Variants in HOXB3 observed in about 807,000 individuals in gnomAD.
HOXB3 encodes homeobox B3.
Under a neutral mutation model 29.2 loss-of-function variants are expected in HOXB3, and 17 were observed. That is an observed-to-expected ratio of 0.58 (90% confidence interval 0.40 to 0.87). The LOEUF is 0.87. Ranked by LOEUF, HOXB3 falls within the 40% of genes least tolerant of loss-of-function variation. The probability of loss-of-function intolerance (pLI) is 0.00; values close to 1 mark genes in which losing one functional copy is unlikely to be tolerated. For synonymous variants in HOXB3, 317 were observed against 285.9 expected (o/e 1.11, Z -1.10); for missense variants, 637 against 616.3 (o/e 1.03, Z -0.35).
At chr17:48,571,248 G>A (rs532037161) in intron 2 of HOXB3, among the ~76,000 whole-genome samples, 2 of 152,178 alleles carry the variant, frequency 1.3e-5, no homozygotes, top group African/African-American at 4.8e-5. Context: ...TCACAAATCC[G>A]TCAGCGCTCA....
intron 4 of HOXB3, among the ~76,000 whole-genome samples, chr17:48,551,590 C>A (rs1038828640): frequency 6.6e-6 from 1 of 152,224 alleles, no homozygotes; most frequent in African/African-American, 2.4e-5. Flanking sequence ...TGAGGAGAAT[C>A]CTCGGGGTAA....
chr17:48,578,727 C>A lies in HOXB3; in HGVS notation c.-424-4713G>T, dbSNP rs190467661. ...CCCTAGATCCCTTAAGAAGTTGGGG[C>A]TCCCGGTGTAGCCCTCCTGTTCTGC... On this transcript the variant is annotated intron_variant, in intron 1 of 4. Coordinates refer to ENST00000498678, the MANE Select transcript of HOXB3 (RefSeq NM_001384749.1). The A allele has an allele frequency of 2.7e-3, 593 of 219,156 alleles. 4 individuals carry two copies. The highest frequency in any genetic ancestry group is 0.014 in the African/African-American group (570 of 42,024). The allele number at this position is 219,156 out of a possible 1,614,324, so 13.6% of individuals were successfully genotyped here. A position where few individuals can be genotyped will look rare whatever the true frequency, so the allele number is the denominator to read the frequency against.
chr17:48,576,660 C>CCCA, intron 1 of HOXB3: 1 of 908,050 alleles, frequency 1.1e-6, no homozygotes, highest in Non-Finnish European at 1.5e-6. Flanking sequence ...TCCCCCCACC[C>CCCA]CATCCCCTGC....
chr17:48,564,448 G>A (rs1452337457), intron 2 of HOXB3, among the ~76,000 whole-genome samples: 2 of 150,186 alleles, frequency 1.3e-5, no homozygotes, highest in Admixed American at 6.6e-5. Flanking sequence ...CCCGCCCCCG[G>A]CTTTGTTCGG....
At chr17:48,581,785 GA>G (rs565659450) in intron 1 of HOXB3, 5 of 152,350 alleles carry the variant, frequency 3.3e-5, no homozygotes, top group African/African-American at 4.8e-5. Context: ...CAAGAGCAGA[GA>G]TTTTTCTCCT....
rs374344532 is a variant in HOXB3 at position 48,569,924 on chromosome 17, T to C, written c.-247+3913A>G. Among the ~76,000 whole-genome samples the C allele has an allele frequency of 5.0e-4, 76 of 152,198 alleles. 3 individuals carry two copies. In the East Asian group the frequency reaches 0.014, roughly 29 times the overall value. On this transcript the variant is annotated intron_variant, in intron 2 of 4. Transcript: ENST00000498678. ...TCAAATGCGACTGACCGTTTGAAAA[T>C]AGATTCTAGAGACAAAGACTGGGAC... is the stretch of plus-strand genomic sequence containing the variant.
chr17:48,586,990 C>T (rs2070059552), intron 1 of HOXB3, among the ~76,000 whole-genome samples: 1 of 152,020 alleles, frequency 6.6e-6, no homozygotes. Context: ...TGGGGTGGGG[C>T]CTGCAGGAAC....
intron 1 of HOXB3, chr17:48,578,360 TC>T: frequency 6.3e-7 from 1 of 1,587,004 alleles, no homozygotes; most frequent in Non-Finnish European, 8.6e-7. Context: ...TAAAATTTAT[TC>T]CGACCCCTGA....
chr17:48,551,773 CT>C (rs1435939288), intron 4 of HOXB3, among the ~76,000 whole-genome samples: 1 of 152,226 alleles, frequency 6.6e-6, no homozygotes, highest in Non-Finnish European at 1.5e-5. Flanking sequence ...GCTCTGTGGC[CT>C]TGGGAAGGGC....
At chr17:48,586,689 C>T (rs2070053917) in intron 1 of HOXB3, among the ~76,000 whole-genome samples, 1 of 152,162 alleles carries the variant, frequency 6.6e-6, no homozygotes, top group Non-Finnish European at 1.5e-5. Context: ...ATTTGCGCCT[C>T]CTTCCTTTTC....
chr17:48,576,597 TGG>T (rs2069770515), intron 1 of HOXB3: 1 of 767,642 alleles, frequency 1.3e-6, no homozygotes, highest in Non-Finnish European at 2.0e-6. Flanking sequence ...ATATAAAGTG[TGG>T]GGGAGGGCAG....
At chr17:48,584,908 C>A (rs1044594748) in intron 1 of HOXB3, among the ~76,000 whole-genome samples, 1 of 149,424 alleles carries the variant, frequency 6.7e-6, no homozygotes, top group African/African-American at 2.5e-5. Context: ...CACATACAGC[C>A]CCCTCCCCCA....
At chr17:48,574,062 A>C (rs1426586065) in intron 1 of HOXB3, 48 bp from the exon 2 acceptor site, 12 of 584,652 alleles carry the variant, frequency 2.1e-5, no homozygotes, top group Non-Finnish European at 3.6e-5. Flanking sequence ...AAAGAAAAGA[A>C]GTGATTAATG....
At chr17:48,580,990 G>A (rs1309875557) in intron 1 of HOXB3, 3 of 152,192 alleles carry the variant, frequency 2.0e-5, no homozygotes, top group Admixed American at 2.0e-4. Context: ...CATAGAAAAA[G>A]CCTCCACCCC....
chr17:48,566,259 G>C (rs977993359), intron 2 of HOXB3, among the ~76,000 whole-genome samples: 2 of 152,112 alleles, frequency 1.3e-5, no homozygotes, highest in African/African-American at 4.8e-5. Context: ...ATTTGGGGTA[G>C]GCCTAGATGC....
intron 2 of HOXB3, among the ~76,000 whole-genome samples, chr17:48,569,466 T>C (rs905980525): frequency 7.8e-6 from 1 of 128,888 alleles, no homozygotes. Flanking sequence ...GCTTAGTTCG[T>C]GGAGGTGCAG....
chr17:48,570,018 C>T (rs749554183), intron 2 of HOXB3, among the ~76,000 whole-genome samples: 12 of 152,152 alleles, frequency 7.9e-5, no homozygotes, highest in Non-Finnish European at 1.6e-4. Context: ...GTCTCATTTC[C>T]CCCCCTTCCC....
chr17:48,581,682 C>CA (rs2069943422), intron 1 of HOXB3: 1 of 152,236 alleles, frequency 6.6e-6, no homozygotes, highest in Non-Finnish European at 1.5e-5. Context: ...CTCTACACTT[C>CA]ACAAGGGATG....
chr17:48,583,504 C>T (rs889081334), intron 1 of HOXB3, among the ~76,000 whole-genome samples: 1 of 152,156 alleles, frequency 6.6e-6, no homozygotes, highest in Non-Finnish European at 1.5e-5. Context: ...CAGGTGACTC[C>T]CTTTCCTCCC....
Sources: allele counts gnomAD v4.1 joint callset (sites outside exome capture counted in the v4.1 genomes callset), GRCh38; gene constraint gnomAD v4.1.1; transcripts MANE v1.5; gene names NCBI Gene and HGNC (gene_info 2026-07-23, HGNC 2026-07-21).